The following MYRIP variants were observed in gnomAD, a reference collection of about 807,000 sequenced individuals.
The protein encoded by MYRIP is rab effector MyRIP.
In MYRIP, 49 loss-of-function variants were observed where a neutral mutation model predicts 98.0. That is an observed-to-expected ratio of 0.50 (90% confidence interval 0.40 to 0.63). MYRIP has a LOEUF of 0.63. MYRIP is among the 30% of genes least tolerant of loss of function. The pLI is 0.00. For synonymous variants in MYRIP, 404 were observed against 409.5 expected (o/e 0.99, Z 0.16); for missense variants, 1,004 against 1,058.2 (o/e 0.95, Z 0.71).
At chr3:40,159,093 T>A (rs1559426542) in intron 4 of MYRIP, among the ~76,000 whole-genome samples, 1 of 152,224 alleles carries the variant, frequency 6.6e-6, no homozygotes, top group Non-Finnish European at 1.5e-5. Context: ...CTAGTCTCGA[T>A]GGTCTTTACA....
intron 8 of MYRIP, among the ~76,000 whole-genome samples, chr3:40,177,706 G>A (rs1442674338): frequency 6.6e-6 from 1 of 152,174 alleles, no homozygotes; most frequent in African/African-American, 2.4e-5. Context: ...CAGTGTGGGT[G>A]TTATAACTCA....
At chr3:40,168,410 C>G (rs1950542902) in intron 7 of MYRIP, among the ~76,000 whole-genome samples, 1 of 152,222 alleles carries the variant, frequency 6.6e-6, no homozygotes, top group African/African-American at 2.4e-5. Flanking sequence ...TAGCCTATAA[C>G]TGGGCAGAAT....
intron 10 of MYRIP, among the ~76,000 whole-genome samples, chr3:40,202,876 C>G (rs898297286): frequency 6.6e-6 from 1 of 152,008 alleles, no homozygotes; most frequent in African/African-American, 2.4e-5. Context: ...TCCCCCACCA[C>G]TCATATCCCC....
chr3:40,017,977 T>A (rs370525884), intron 2 of MYRIP, among the ~76,000 whole-genome samples: 9 of 152,338 alleles, frequency 5.9e-5, no homozygotes, highest in African/African-American at 1.7e-4. Flanking sequence ...AGAAATGAAC[T>A]AATTTCTCAT....
intron 2 of MYRIP, among the ~76,000 whole-genome samples, chr3:39,948,805 A>G (rs1220383731): frequency 6.6e-6 from 1 of 152,172 alleles, no homozygotes; most frequent in Non-Finnish European, 1.5e-5. Context: ...CATGAAGCCC[A>G]GAAATTCCTA....
At chr3:40,021,105 A>T (rs1946982880) in intron 2 of MYRIP, among the ~76,000 whole-genome samples, 1 of 152,214 alleles carries the variant, frequency 6.6e-6, no homozygotes, top group Admixed American at 6.5e-5. Context: ...GACTAAGGCA[A>T]GGAAGCCTTT....
At chr3:40,242,404 A>G (rs1953049746) in intron 12 of MYRIP, 1 of 152,018 alleles carries the variant, frequency 6.6e-6, no homozygotes, top group Non-Finnish European at 1.5e-5. Context: ...TGGTGCCAGG[A>G]AAGTAGGCTT....
intron 2 of MYRIP, among the ~76,000 whole-genome samples, chr3:39,989,253 C>G (rs1042669401): frequency 1.4e-4 from 22 of 152,010 alleles, no homozygotes; most frequent in Non-Finnish European, 3.1e-4. Context: ...TTGTTGCTTT[C>G]TGTTTGTTTT....
At position 40,160,869 on chromosome 3, in the gene MYRIP, G is replaced by A. The variant is rs190828055; in HGVS notation, c.470-1861G>A. ...CCTTGCCCTGCTTCGGTTCGCACAC[G>A]GTGCGCACACCCACTGACCTGTGCC... On this transcript the variant is annotated intron_variant, in intron 4 of 16. Coordinates refer to ENST00000302541, the MANE Select transcript of MYRIP (RefSeq NM_015460.4). Among the ~76,000 whole-genome samples, 555 of 152,226 alleles carry A rather than the reference G, an allele frequency of 3.6e-3. 2 individuals carry two copies. Among genetic ancestry groups the A allele is most frequent in the African/African-American group, 0.013 (521 of 41,520 alleles).
intron 2 of MYRIP, among the ~76,000 whole-genome samples, chr3:40,015,297 T>C (rs1432053875): frequency 6.6e-5 from 10 of 152,158 alleles, no homozygotes; most frequent in Non-Finnish European, 1.3e-4. Context: ...TATGAATTTG[T>C]TCAGGTTTGT....
At chr3:40,158,296 T>G (rs1345815681) in intron 4 of MYRIP, among the ~76,000 whole-genome samples, 1 of 152,232 alleles carries the variant, frequency 6.6e-6, no homozygotes, top group Non-Finnish European at 1.5e-5. Flanking sequence ...TTCCATGTAG[T>G]TGAGCGGTTT....
chr3:40,134,592 G>A (rs1949720963), intron 3 of MYRIP, among the ~76,000 whole-genome samples: 2 of 152,218 alleles, frequency 1.3e-5, no homozygotes, highest in Non-Finnish European at 2.9e-5. Flanking sequence ...CTCCTCAAGT[G>A]GGTCCCTGAC....
intron 3 of MYRIP, among the ~76,000 whole-genome samples, chr3:40,075,643 T>A (rs945407084): frequency 6.6e-5 from 10 of 152,200 alleles, no homozygotes; most frequent in Middle Eastern, 3.2e-3. Context: ...CACCACAGAA[T>A]AATCTTTCAG....
chr3:40,221,152 C>A lies in MYRIP; in HGVS notation c.1905+11059C>A, dbSNP rs570513367. 6.6e-5 allele frequency among the ~76,000 whole-genome samples: 10 copies of A among 151,666 alleles called. 1 individual carries two copies. The highest frequency in any genetic ancestry group is 2.4e-4 in the African/African-American group (10 of 41,348). On this transcript the variant is annotated intron_variant, in intron 11 of 16. Transcript: ENST00000302541. The stretch of plus-strand genomic sequence containing the variant: ...TTTTTATTTAATATAACACCTTGCC[C>A]AGAACTTGCCATATGGTTAGCACAT...
At chr3:40,204,120 TAGAGTA>T (rs1951705803) in intron 10 of MYRIP, among the ~76,000 whole-genome samples, 375 of 20,318 alleles carry the variant, frequency 0.018, 32 homozygotes, top group African/African-American at 0.042. Flanking sequence ...TATATAAATA[TAGAGTA>T]TTATATAATA....
At chr3:40,129,659 C>T (rs1469331708) in intron 3 of MYRIP, among the ~76,000 whole-genome samples, 1 of 152,034 alleles carries the variant, frequency 6.6e-6, no homozygotes, top group African/African-American at 2.4e-5. Flanking sequence ...GCAAGATCTT[C>T]AGCATATCAC....
At chr3:39,872,887 G>C (rs891824166) in intron 1 of MYRIP, among the ~76,000 whole-genome samples, 4 of 152,128 alleles carry the variant, frequency 2.6e-5, no homozygotes, top group African/African-American at 9.7e-5. Context: ...GGCATTTCTA[G>C]TTCTAGATCC....
chr3:40,224,001 C>A (rs1344625267), intron 11 of MYRIP, among the ~76,000 whole-genome samples: 1 of 151,996 alleles, frequency 6.6e-6, no homozygotes. Flanking sequence ...GCTTTCCAGG[C>A]AGAGGAACAC....
At chr3:40,142,047 A>ATTTTTTTTTTTTT (rs768094065) in intron 3 of MYRIP, among the ~76,000 whole-genome samples, 1 of 95,952 alleles carries the variant, frequency 1.0e-5, no homozygotes, top group Non-Finnish European at 2.0e-5. Context: ...TATGCTGTTG[A>ATTTTTTTTTTTTT]TTTTTTTTTT....
Sources: allele counts gnomAD v4.1 joint callset (sites outside exome capture counted in the v4.1 genomes callset), GRCh38; gene constraint gnomAD v4.1.1; transcripts MANE v1.5; gene names NCBI Gene and HGNC (gene_info 2026-07-23, HGNC 2026-07-21).